The following ARHGAP6 variants were observed in gnomAD, a reference collection of about 807,000 sequenced individuals.
ARHGAP6 encodes the protein rho GTPase-activating protein 6.
ARHGAP6 carries 16 observed loss-of-function variants against 55.7 expected under a neutral mutation model. The observed-to-expected ratio is 0.29, with a 90% CI of 0.19 to 0.44. The LOEUF is 0.44. Among genes scored for constraint, ARHGAP6 ranks in the 20% least tolerant of loss-of-function variants. The pLI is 1.00. For synonymous variants in ARHGAP6, 382 were observed against 360.9 expected (o/e 1.06, Z -0.66); for missense variants, 698 against 808.9 (o/e 0.86, Z 1.66).
At position 11,518,734 on chromosome X, in the gene ARHGAP6, C is replaced by T. The variant is rs1396645891; in HGVS notation, c.588+145507G>A. 5.9e-5 allele frequency among the ~76,000 whole-genome samples: 6 copies of T among 101,569 alleles called. No homozygotes were observed. The East Asian group carries it at 2.0e-3, about 33-fold the overall frequency. 88.2% of individuals were successfully genotyped at this position (101,569 alleles called of 115,157 possible). On this transcript the variant is annotated intron_variant, in intron 1 of 12. Transcript: ENST00000337414. The stretch of plus-strand genomic sequence containing the variant: ...GTGCCATGCTGGTGCGCTGCACCCA[C>T]TAACTTTTCATCTAGCATTAGGTAT...
At chrX:11,195,144 G>A (rs2046512605) in intron 3 of ARHGAP6, among the ~76,000 whole-genome samples, 1 of 111,598 alleles carries the variant, frequency 9.0e-6, no homozygotes, top group African/African-American at 3.3e-5. Context: ...ACGAGGTCAA[G>A]AGTTCAAGAC....
intron 2 of ARHGAP6, among the ~76,000 whole-genome samples, chrX:11,233,755 C>T (rs1210730864): frequency 8.9e-6 from 1 of 112,208 alleles, no homozygotes; most frequent in Non-Finnish European, 1.9e-5. Context: ...GTTGGGTACA[C>T]ATGGAATAAA....
At chrX:11,453,246 C>T (rs867720324) in intron 1 of ARHGAP6, among the ~76,000 whole-genome samples, 8 of 90,608 alleles carry the variant, frequency 8.8e-5, no homozygotes, top group Non-Finnish European at 1.3e-4. Context: ...AATATATATA[C>T]ATAATATATA....
At chrX:11,173,723 A>G (rs1390008426) in intron 8 of ARHGAP6, among the ~76,000 whole-genome samples, 1 of 112,349 alleles carries the variant, frequency 8.9e-6, no homozygotes, top group Non-Finnish European at 1.9e-5. Flanking sequence ...TCTTTTAGAC[A>G]TCTTTAAGGT....
At chrX:11,177,054 A>C (rs1426624930) in intron 8 of ARHGAP6, among the ~76,000 whole-genome samples, 1 of 112,225 alleles carries the variant, frequency 8.9e-6, no homozygotes, top group Non-Finnish European at 1.9e-5. Flanking sequence ...ACAAGAATTT[A>C]CAAAAAAGTT....
intron 1 of ARHGAP6, among the ~76,000 whole-genome samples, chrX:11,397,089 C>T (rs757237951): frequency 7.0e-4 from 78 of 111,113 alleles, no homozygotes; most frequent in Non-Finnish European, 1.2e-3. Context: ...GTAAGAACTG[C>T]GACAAGAAAC....
At chrX:11,153,987 C>T (rs981582242) in intron 10 of ARHGAP6, among the ~76,000 whole-genome samples, 5 of 109,085 alleles carry the variant, frequency 4.6e-5, no homozygotes, top group African/African-American at 1.3e-4. Flanking sequence ...CAACAGACCC[C>T]GGAGTGTGAT....
At chrX:11,569,992 T>C (rs1452769933) in intron 1 of ARHGAP6, among the ~76,000 whole-genome samples, 1 of 112,300 alleles carries the variant, frequency 8.9e-6, no homozygotes, top group African/African-American at 3.2e-5. Context: ...ATAAATTTCA[T>C]GTTTACAGCA....
intron 1 of ARHGAP6, among the ~76,000 whole-genome samples, chrX:11,398,516 G>A (rs1433212884): frequency 9.0e-6 from 1 of 111,407 alleles, no homozygotes; most frequent in Non-Finnish European, 1.9e-5. Context: ...AAATGCATGA[G>A]GTGATCAATA....
At chrX:11,222,630 A>G (rs2046988441) in intron 2 of ARHGAP6, among the ~76,000 whole-genome samples, 1 of 112,122 alleles carries the variant, frequency 8.9e-6, no homozygotes, top group African/African-American at 3.2e-5. Context: ...TTCTTTATCT[A>G]CTTAAACCTA....
intron 1 of ARHGAP6, among the ~76,000 whole-genome samples, chrX:11,510,581 C>T (rs2050776363): frequency 9.0e-6 from 1 of 111,036 alleles, no homozygotes; most frequent in South Asian, 3.8e-4. Flanking sequence ...AAAGTTATTC[C>T]CATTTTGGTA....
rs35315280 is a variant in ARHGAP6, at chrX:11,493,835, C to CTTT, written c.588+170403_588+170405dup. On this transcript the variant is annotated intron_variant, in intron 1 of 12. Coordinates refer to ENST00000337414, the MANE Select transcript of ARHGAP6 (RefSeq NM_013427.3). ...AGATTTCCCATACAAAACAGAATGCCTTTTTTTTTTTTTTTTTGAGATGGG... is the reference window on the plus strand; with the variant it reads ...AGATTTCCCATACAAAACAGAATGCCTTTTTTTTTTTTTTTTTTTTGAGATGGG... Among the ~76,000 whole-genome samples the CTTT allele has an allele frequency of 3.0e-3, 261 of 88,384 alleles. 5 individuals are homozygous for CTTT. Among genetic ancestry groups the CTTT allele is most frequent in the African/African-American group, 9.2e-3 (223 of 24,159 alleles). The allele number at this position is 88,384 out of a possible 115,157, so 76.8% of individuals were successfully genotyped here. A position where few individuals can be genotyped will look rare whatever the true frequency, so the allele number is the denominator to read the frequency against.
chrX:11,660,127 A>T (rs2052679476), intron 1 of ARHGAP6, among the ~76,000 whole-genome samples: 1 of 111,786 alleles, frequency 8.9e-6, no homozygotes, highest in Admixed American at 9.4e-5. Flanking sequence ...AGCAAGATAC[A>T]TCCTCTTCTC....
rs1018832408 is a variant in ARHGAP6, at chrX:11,661,147, C to A, written c.588+3094G>T. ...ACTCCAGGTTAGCTATGGACATAATCCCAGCTCTGATCCACAAGAATTAGG... is the reference window on the plus strand; with the variant it reads ...ACTCCAGGTTAGCTATGGACATAATACCAGCTCTGATCCACAAGAATTAGG... On this transcript the variant is annotated intron_variant, in intron 1 of 12. Transcript: ENST00000337414. Among the ~76,000 whole-genome samples the A allele has an allele frequency of 1.9e-4, 21 of 112,592 alleles. 1 individual carries two copies. Among genetic ancestry groups the A allele is most frequent in the African/African-American group, 6.8e-4 (21 of 30,997 alleles).
chrX:11,478,910 T>C (rs956996491), intron 1 of ARHGAP6, among the ~76,000 whole-genome samples: 1 of 111,941 alleles, frequency 8.9e-6, no homozygotes, highest in African/African-American at 3.2e-5. Flanking sequence ...TGCTGAGCAG[T>C]GTAAGCCCAA....
intron 2 of ARHGAP6, among the ~76,000 whole-genome samples, chrX:11,208,617 T>C (rs1272813431): frequency 8.9e-6 from 1 of 112,156 alleles, no homozygotes; most frequent in Admixed American, 9.4e-5. Flanking sequence ...TCCTGCCTGA[T>C]AATAATGTCT....
At position 11,138,691 on chromosome X, in the gene ARHGAP6, C is replaced by T. The variant is rs1430558871; in HGVS notation, c.*172G>A. ...TGGCTACGCAATGGAACCTTATTCT[C>T]AATGGCGGGGGCGTGAGTGCTCTAC... On this transcript the variant is annotated 3_prime_UTR_variant, in exon 13 of 13. Transcript: ENST00000337414. 1 of 523,448 alleles carries T rather than the reference C, an allele frequency of 1.9e-6. No individual in the cohort carries two copies. The highest frequency in any genetic ancestry group is 4.0e-5 in the Admixed American group (1 of 25,009). 43.1% of individuals were successfully genotyped at this position (523,448 alleles called of 1,213,427 possible). A position where few individuals can be genotyped will look rare whatever the true frequency, so the allele number is the denominator to read the frequency against.
intron 1 of ARHGAP6, among the ~76,000 whole-genome samples, chrX:11,531,195 A>G (rs2051045027): frequency 9.0e-6 from 1 of 111,611 alleles, no homozygotes; most frequent in Admixed American, 9.6e-5. Context: ...TAGGATGTTC[A>G]TCAACTTGCC....
At chrX:11,151,260 CTTT>C (rs776972480) in intron 10 of ARHGAP6, among the ~76,000 whole-genome samples, 132 of 99,113 alleles carry the variant, frequency 1.3e-3, no homozygotes, top group African/African-American at 4.1e-3. Context: ...GTCTTGCTTT[CTTT>C]TTTTTTTTTT....
Sources: gnomAD v4.1 joint callset for allele counts (sites outside exome capture counted in the v4.1 genomes callset) on GRCh38, gnomAD v4.1.1 for gene constraint, MANE v1.5 for transcripts, NCBI Gene and HGNC (gene_info 2026-07-23, HGNC 2026-07-21) for gene names.